MMP26: variants seen among roughly 807,000 people sequenced by gnomAD.
MMP26 encodes matrix metallopeptidase 26.
In MMP26, 33 loss-of-function variants were observed where a neutral mutation model predicts 31.0. That is an observed-to-expected ratio of 1.06 (90% CI 0.81 to 1.42). The LOEUF (loss-of-function observed/expected upper bound fraction) is 1.42. MMP26 is among the 40% of genes most tolerant of loss of function. The probability of loss-of-function intolerance (pLI) is 0.00; values close to 1 mark genes in which losing one functional copy is unlikely to be tolerated. For synonymous variants in MMP26, 122 were observed against 114.9 expected, an observed-to-expected ratio of 1.06 and a Z score of -0.40; for missense variants, 347 against 316.1, an observed-to-expected ratio of 1.10 and a Z score of -0.74.
Position 4,878,646 on chromosome 11 carries a change from G to A in MMP26, c.-144-109422G>A, listed in dbSNP as rs182507187. ...TGTAATGTAGTTTAGACCATATGGTGACACTTAATATATATTTTTGAATTA... is the reference window on the plus strand; with the variant it reads ...TGTAATGTAGTTTAGACCATATGGTAACACTTAATATATATTTTTGAATTA... On this transcript the variant is annotated intron_variant, in intron 2 of 7. Coordinates refer to ENST00000380390, the MANE Select transcript of MMP26 (RefSeq NM_021801.5). Among the ~76,000 whole-genome samples, 13 of 152,218 alleles carry A rather than the reference G, an allele frequency of 8.5e-5. No homozygotes were observed. The East Asian group carries it at 2.5e-3, about 29-fold the overall frequency.
chr11:4,795,908 A>C (rs1023617077), intron 2 of MMP26, among the ~76,000 whole-genome samples: 7 of 151,602 alleles, frequency 4.6e-5, no homozygotes, highest in African/African-American at 1.7e-4. Flanking sequence ...CATTGTTTTC[A>C]TTTCTTTATA....
At chr11:4,841,443 T>A (rs1360668853) in intron 2 of MMP26, among the ~76,000 whole-genome samples, 7 of 152,050 alleles carry the variant, frequency 4.6e-5, no homozygotes, top group Admixed American at 4.6e-4. Flanking sequence ...AACCAATATA[T>A]CTGACAGCAG....
At chr11:4,869,278 G>C (rs557725294) in intron 2 of MMP26, among the ~76,000 whole-genome samples, 1 of 152,010 alleles carries the variant, frequency 6.6e-6, no homozygotes, top group African/African-American at 2.4e-5. Context: ...GACTGAACAG[G>C]CAACCTACAG....
At chr11:4,923,532 G>C (rs781575329) in intron 2 of MMP26, 1 of 1,614,164 alleles carries the variant, frequency 6.2e-7, no homozygotes, top group South Asian at 1.1e-5. Context: ...ACGCGGGGCA[G>C]ATGTTCACCA....
chr11:4,955,025 G>A (rs1846418030), intron 2 of MMP26: 2 of 1,434,240 alleles, frequency 1.4e-6, no homozygotes, highest in South Asian at 2.3e-5. Context: ...CTTTTTGGAT[G>A]CAATTCCCGG....
chr11:4,865,007 C>T (rs1850215267), intron 2 of MMP26, among the ~76,000 whole-genome samples: 1 of 152,042 alleles, frequency 6.6e-6, no homozygotes, highest in Admixed American at 6.6e-5. Context: ...AGTTATTTAA[C>T]CACTCATTCA....
intron 1 of MMP26, among the ~76,000 whole-genome samples, chr11:4,714,929 C>G (rs1162679054): frequency 1.3e-5 from 2 of 148,242 alleles, no homozygotes; most frequent in Non-Finnish European, 3.0e-5. Context: ...CTCACACACA[C>G]ACACACACAC....
chr11:4,745,032 G>A (rs570682743), intron 1 of MMP26, among the ~76,000 whole-genome samples: 2 of 152,030 alleles, frequency 1.3e-5, no homozygotes, highest in South Asian at 2.1e-4. Flanking sequence ...TTCATGTATT[G>A]CAATTACTGA....
chr11:4,714,918 T>A (rs867231094), intron 1 of MMP26, among the ~76,000 whole-genome samples: 4 of 130,344 alleles, frequency 3.1e-5, no homozygotes, highest in South Asian at 2.4e-4. Context: ...TCTCTCTCTC[T>A]CTCACACACA....
At chr11:4,856,081 A>G (rs947302681) in intron 2 of MMP26, among the ~76,000 whole-genome samples, 1 of 152,212 alleles carries the variant, frequency 6.6e-6, no homozygotes, top group African/African-American at 2.4e-5. Flanking sequence ...AGCACTAAAC[A>G]TGGAAAGGAC....
At chr11:4,959,989 T>G (rs938735356) in intron 2 of MMP26, among the ~76,000 whole-genome samples, 4 of 152,172 alleles carry the variant, frequency 2.6e-5, no homozygotes, top group Admixed American at 1.3e-4. Context: ...TGTGACCACT[T>G]CTCTTTGAGT....
intron 1 of MMP26, among the ~76,000 whole-genome samples, chr11:4,738,948 C>T (rs1848277832): frequency 6.6e-6 from 1 of 151,458 alleles, no homozygotes; most frequent in Non-Finnish European, 1.5e-5. Flanking sequence ...GGATTTAACC[C>T]GTACCTTGCT....
chr11:4,826,831 T>C (rs1277051821), intron 2 of MMP26, among the ~76,000 whole-genome samples: 1 of 152,086 alleles, frequency 6.6e-6, no homozygotes, highest in Non-Finnish European at 1.5e-5. Context: ...TATTGCCTAA[T>C]CCTACAGGGC....
intron 2 of MMP26, among the ~76,000 whole-genome samples, chr11:4,812,997 G>C (rs1053097332): frequency 6.8e-6 from 1 of 146,838 alleles, no homozygotes; most frequent in African/African-American, 2.7e-5. Context: ...GTATATGTGC[G>C]AGTGTGTGTG....
At chr11:4,709,095 A>G (rs903830450) in intron 1 of MMP26, among the ~76,000 whole-genome samples, 1 of 151,998 alleles carries the variant, frequency 6.6e-6, no homozygotes, top group East Asian at 1.9e-4. Context: ...TCTTACTTTC[A>G]TTGGGTCACA....
intron 1 of MMP26, among the ~76,000 whole-genome samples, chr11:4,742,078 A>G (rs1848319258): frequency 6.6e-6 from 1 of 152,334 alleles, no homozygotes; most frequent in East Asian, 1.9e-4. Context: ...CCAGAAATGG[A>G]GCAGTGGTGA....
At chr11:4,845,730 G>GC (rs1849858045) in intron 2 of MMP26, among the ~76,000 whole-genome samples, 1 of 152,056 alleles carries the variant, frequency 6.6e-6, no homozygotes, top group East Asian at 1.9e-4. Flanking sequence ...TATATAAGGA[G>GC]CTCTACAACT....
intron 2 of MMP26, among the ~76,000 whole-genome samples, chr11:4,961,214 C>G (rs2133621124): frequency 6.6e-6 from 1 of 152,314 alleles, no homozygotes; most frequent in African/African-American, 2.4e-5. Context: ...CATATGTTTA[C>G]ACACAAAGTC....
chr11:4,872,209 T>G (rs1036612251), intron 2 of MMP26, among the ~76,000 whole-genome samples: 10 of 152,122 alleles, frequency 6.6e-5, no homozygotes, highest in African/African-American at 2.4e-4. Flanking sequence ...ATTAAAGGAC[T>G]AAAATATTTT....
Sources: gnomAD v4.1 joint callset for allele counts (sites outside exome capture counted in the v4.1 genomes callset) on GRCh38, gnomAD v4.1.1 for gene constraint, MANE v1.5 for transcripts, NCBI Gene and HGNC (gene_info 2026-07-23, HGNC 2026-07-21) for gene names.